KCNH7: variants seen among roughly 807,000 people sequenced by gnomAD.
The protein encoded by KCNH7 is potassium voltage-gated channel subfamily H member 7.
In KCNH7, 49 loss-of-function variants were observed where a neutral mutation model predicts 120.8. That is an observed-to-expected ratio of 0.41 (90% CI 0.32 to 0.51). The LOEUF (loss-of-function observed/expected upper bound fraction) is 0.51. Ranked by LOEUF, KCNH7 falls within the 20% of genes least tolerant of loss-of-function variation. The pLI is 0.38. For missense variants in KCNH7, 1,097 were observed against 1,446.6 expected, an observed-to-expected ratio of 0.76 and a Z score of 3.92; for synonymous variants, 547 against 516.1, an observed-to-expected ratio of 1.06 and a Z score of -0.81.
intron 2 of KCNH7, among the ~76,000 whole-genome samples, chr2:162,828,178 C>T (rs995247903): frequency 6.6e-6 from 1 of 152,102 alleles, no homozygotes; most frequent in Non-Finnish European, 1.5e-5. Context: ...CACCATGCAA[C>T]CTTGCATAGC....
intron 2 of KCNH7, among the ~76,000 whole-genome samples, chr2:162,757,016 C>T (rs1170485161): frequency 6.6e-6 from 1 of 152,130 alleles, no homozygotes; most frequent in African/African-American, 2.4e-5. Context: ...GTCCTGTGTA[C>T]ATTCCACTGT....
Position 162,618,730 on chromosome 2 carries a change from A to T in KCNH7, c.308-81650T>A, listed in dbSNP as rs529042119. On this transcript the variant is annotated intron_variant, in intron 2 of 15. Transcript: ENST00000332142. Reference sequence around the variant, plus strand: ...TCAAGTGAATCTTCCCTCAAAATAAATGAATTAGCTTAATAAATGTCTCTG... The same window carrying T: ...TCAAGTGAATCTTCCCTCAAAATAATTGAATTAGCTTAATAAATGTCTCTG... Among the ~76,000 whole-genome samples the T allele has an allele frequency of 6.6e-5, 10 of 152,314 alleles. No homozygotes were observed. In the East Asian group the frequency reaches 1.9e-3, roughly 29 times the overall value.
intron 2 of KCNH7, among the ~76,000 whole-genome samples, chr2:162,712,467 C>T (rs1686960871): frequency 6.6e-6 from 1 of 152,104 alleles, no homozygotes; most frequent in Non-Finnish European, 1.5e-5. Flanking sequence ...GAATAAATAG[C>T]TGACTTTCTG....
chr2:162,378,553 A>C (rs930336901), intron 14 of KCNH7, among the ~76,000 whole-genome samples: 4 of 152,226 alleles, frequency 2.6e-5, no homozygotes, highest in African/African-American at 9.6e-5. Context: ...CTTGTTAAAC[A>C]TGGCAGAATT....
At chr2:162,788,988 T>TAAAAA (rs61348204) in intron 2 of KCNH7, among the ~76,000 whole-genome samples, 1 of 105,162 alleles carries the variant, frequency 9.5e-6, no homozygotes, top group Non-Finnish European at 1.9e-5. Context: ...AGGTACTGGT[T>TAAAAA]AAAAAAAAAA....
intron 8 of KCNH7, among the ~76,000 whole-genome samples, chr2:162,426,657 C>A (rs1466024793): frequency 6.6e-6 from 1 of 152,058 alleles, no homozygotes; most frequent in Non-Finnish European, 1.5e-5. Flanking sequence ...AACATGTTGA[C>A]AAATACACCT....
intron 2 of KCNH7, among the ~76,000 whole-genome samples, chr2:162,542,425 G>T (rs1431249939): frequency 1.0e-5 from 1 of 98,584 alleles, no homozygotes; most frequent in Admixed American, 1.6e-4. Flanking sequence ...AACAGTCCCC[G>T]GAGTGTGATG....
chr2:162,568,907 G>A (rs1229997973), intron 2 of KCNH7, among the ~76,000 whole-genome samples: 1 of 151,994 alleles, frequency 6.6e-6, no homozygotes, highest in Non-Finnish European at 1.5e-5. Context: ...TTGATGTGCT[G>A]CTGGATTCGG....
At chr2:162,832,951 A>G (rs1160167961) in intron 2 of KCNH7, among the ~76,000 whole-genome samples, 2 of 152,142 alleles carry the variant, frequency 1.3e-5, no homozygotes. Context: ...TAAAAGCAGC[A>G]TGAAGATAAG....
At chr2:162,545,142 G>A (rs947061338) in intron 2 of KCNH7, among the ~76,000 whole-genome samples, 2 of 152,120 alleles carry the variant, frequency 1.3e-5, no homozygotes, top group Admixed American at 6.6e-5. Context: ...CGAAGAGTGA[G>A]ATGTTAACAG....
intron 13 of KCNH7, among the ~76,000 whole-genome samples, chr2:162,381,612 T>G (rs1439602195): frequency 6.6e-6 from 1 of 152,114 alleles, no homozygotes; most frequent in Non-Finnish European, 1.5e-5. Context: ...TAGAAAAATA[T>G]AGGATCAGAG....
At chr2:162,593,405 A>C (rs1020534987) in intron 2 of KCNH7, among the ~76,000 whole-genome samples, 5 of 152,062 alleles carry the variant, frequency 3.3e-5, no homozygotes, top group African/African-American at 1.2e-4. Flanking sequence ...AACACTTCCA[A>C]ATGCTCACAA....
At chr2:162,690,564 A>G (rs1033070090) in intron 2 of KCNH7, among the ~76,000 whole-genome samples, 1 of 152,138 alleles carries the variant, frequency 6.6e-6, no homozygotes, top group African/African-American at 2.4e-5. Flanking sequence ...TGCCTTTTAG[A>G]TTAAAAAATA....
At chr2:162,531,473 C>T (rs2105814775) in intron 3 of KCNH7, among the ~76,000 whole-genome samples, 1 of 152,034 alleles carries the variant, frequency 6.6e-6, no homozygotes, top group East Asian at 2.0e-4. Context: ...ATCCACCATC[C>T]AAACAAATTA....
intron 8 of KCNH7, among the ~76,000 whole-genome samples, chr2:162,425,590 C>T (rs539424556): frequency 1.3e-4 from 20 of 152,160 alleles, no homozygotes; most frequent in African/African-American, 4.6e-4. Context: ...GAAACAATTA[C>T]GTGTGATGCT....
chr2:162,742,592 A>G (rs1688174828), intron 2 of KCNH7, among the ~76,000 whole-genome samples: 1 of 152,230 alleles, frequency 6.6e-6, no homozygotes, highest in African/African-American at 2.4e-5. Context: ...CAGAGAAAAC[A>G]TAATAATGTT....
At chr2:162,511,966 C>A (rs993484498) in intron 5 of KCNH7, among the ~76,000 whole-genome samples, 3 of 151,584 alleles carry the variant, frequency 2.0e-5, no homozygotes, top group African/African-American at 7.3e-5. Context: ...ATTTTGTGAT[C>A]CTTGTATCTA....
chr2:162,592,398 G>T (rs769924730), intron 2 of KCNH7, among the ~76,000 whole-genome samples: 2 of 152,038 alleles, frequency 1.3e-5, no homozygotes, highest in Non-Finnish European at 2.9e-5. Context: ...GTTCCCAGAC[G>T]TGTATGGGGG....
rs1250209213 is a variant in KCNH7 at position 162,735,755 on chromosome 2, C to A, written c.307+100782G>T. On this transcript the variant is annotated intron_variant, in intron 2 of 15. Coordinates refer to ENST00000332142, the MANE Select transcript of KCNH7 (RefSeq NM_033272.4). ...AGGGAGGCAGATTTGAGAAATACCT[C>A]TTATCCTTCACTCGGGTGGCCATGC... 2.0e-5 allele frequency among the ~76,000 whole-genome samples: 3 copies of A among 152,186 alleles called. No homozygotes were observed. The East Asian group carries it at 5.8e-4, about 29-fold the overall frequency.
Sources: allele counts gnomAD v4.1 joint callset (sites outside exome capture counted in the v4.1 genomes callset), GRCh38; gene constraint gnomAD v4.1.1; transcripts MANE v1.5; gene names NCBI Gene and HGNC (gene_info 2026-07-23, HGNC 2026-07-21).